The following GATB variants were observed in gnomAD, a reference collection of about 807,000 sequenced individuals.
The protein encoded by GATB is glutamyl-tRNA amidotransferase subunit B.
Under a neutral mutation model 62.3 loss-of-function variants are expected in GATB, and 39 were observed. That is an observed-to-expected ratio of 0.63 (90% CI 0.48 to 0.82). GATB has a LOEUF of 0.82. GATB is among the 40% of genes least tolerant of loss of function. GATB has a pLI of 0.00. For missense variants in GATB, 670 were observed against 684.0 expected, an observed-to-expected ratio of 0.98 and a Z score of 0.23; for synonymous variants, 276 against 258.9, an observed-to-expected ratio of 1.07 and a Z score of -0.63.
chr4:151,698,289 T>G (rs1738529538), intron 9 of GATB, among the ~76,000 whole-genome samples: 1 of 151,946 alleles, frequency 6.6e-6, no homozygotes, highest in Non-Finnish European at 1.5e-5. Flanking sequence ...CTGTAAATAT[T>G]AAGAATAATT....
intron 4 of GATB, 140 bp from the exon 5 acceptor site, chr4:151,716,271 T>G (rs577999641): frequency 9.8e-4 from 414 of 420,538 alleles, no homozygotes; most frequent in Non-Finnish European, 1.4e-3. Flanking sequence ...TTCTCTTCCC[T>G]CCCACCTTTT....
intron 10 of GATB, among the ~76,000 whole-genome samples, chr4:151,686,721 T>C (rs902771946): frequency 4.3e-5 from 6 of 138,950 alleles, no homozygotes; most frequent in African/African-American, 1.6e-4. Flanking sequence ...CATTTCCTTC[T>C]CTGTGCACGC....
At chr4:151,726,328 C>T (rs959486332) in intron 2 of GATB, among the ~76,000 whole-genome samples, 2 of 152,174 alleles carry the variant, frequency 1.3e-5, no homozygotes, top group African/African-American at 4.8e-5. Flanking sequence ...CACCCCTACA[C>T]CACTTCTCAC....
intron 9 of GATB, among the ~76,000 whole-genome samples, chr4:151,694,488 C>A (rs1738429859): frequency 1.3e-5 from 2 of 152,164 alleles, no homozygotes; most frequent in African/African-American, 4.8e-5. Context: ...TTTACCAGAA[C>A]AAAACATTGG....
chr4:151,703,809 G>A (rs1018053552), intron 8 of GATB, 42 bp downstream of exon 8: 1 of 1,338,258 alleles, frequency 7.5e-7, no homozygotes. Flanking sequence ...ATACGCCCCA[G>A]CCCCCGATAT....
chr4:151,674,717 T>C (rs1737958959), intron 11 of GATB: 1 of 152,244 alleles, frequency 6.6e-6, no homozygotes, highest in Admixed American at 6.5e-5. Flanking sequence ...TTTATCATAA[T>C]TTATCCCCTC....
intron 12 of GATB, 107 bp from the exon 13 acceptor site, chr4:151,671,409 C>T: frequency 9.3e-7 from 1 of 1,076,638 alleles, no homozygotes; most frequent in South Asian, 1.4e-5. Flanking sequence ...CCGCTTATTT[C>T]CACTAGTATT....
At chr4:151,682,611 C>CCTCAGAG (rs1237082092) in intron 10 of GATB, among the ~76,000 whole-genome samples, 1 of 151,932 alleles carries the variant, frequency 6.6e-6, no homozygotes, top group Non-Finnish European at 1.5e-5. Flanking sequence ...TTGTCCAGTC[C>CCTCAGAG]CTCAGAGCTC....
At chr4:151,758,492 A>T (rs531530164) in intron 2 of GATB, among the ~76,000 whole-genome samples, 1 of 152,330 alleles carries the variant, frequency 6.6e-6, no homozygotes, top group South Asian at 2.1e-4. Flanking sequence ...AAAGGCAAGG[A>T]TCATCTTTAT....
intron 2 of GATB, among the ~76,000 whole-genome samples, chr4:151,735,994 C>T (rs1166147808): frequency 6.6e-6 from 1 of 151,724 alleles, no homozygotes; most frequent in Non-Finnish European, 1.5e-5. Context: ...TAACCAAATA[C>T]CACTTGTACC....
intron 2 of GATB, among the ~76,000 whole-genome samples, chr4:151,750,744 C>T (rs1458304428): frequency 6.6e-6 from 1 of 151,074 alleles, no homozygotes; most frequent in Non-Finnish European, 1.5e-5. Flanking sequence ...ATCCTCCCAC[C>T]TCAACCCCAC....
intron 2 of GATB, among the ~76,000 whole-genome samples, chr4:151,740,037 T>C (rs1308173888): frequency 6.6e-6 from 1 of 152,218 alleles, no homozygotes; most frequent in Non-Finnish European, 1.5e-5. Context: ...CAGCAAGTAC[T>C]AAAAAGCATA....
intron 2 of GATB, among the ~76,000 whole-genome samples, chr4:151,735,764 A>C (rs181070191): frequency 2.3e-4 from 33 of 144,496 alleles, no homozygotes; most frequent in Non-Finnish European, 4.3e-4. Flanking sequence ...ATATGATGGA[A>C]TACTACTCAG....
intron 2 of GATB, among the ~76,000 whole-genome samples, chr4:151,756,702 T>G (rs1025920313): frequency 1.3e-4 from 20 of 152,266 alleles, no homozygotes; most frequent in Admixed American, 6.5e-5. Context: ...GTTATTGATA[T>G]GCTTATCAGT....
chr4:151,717,163 C>T lies in GATB; in HGVS notation c.442-89G>A, dbSNP rs138744913. 949 of 1,243,314 alleles carry T rather than the reference C, an allele frequency of 7.6e-4. 7 individuals are homozygous for T. In the African/African-American group the frequency reaches 0.012, roughly 16 times the overall value. The allele number at this position is 1,243,314 out of a possible 1,614,324, so 77.0% of individuals were successfully genotyped here. A position where few individuals can be genotyped will look rare whatever the true frequency, so the allele number is the denominator to read the frequency against. On this transcript the variant is annotated intron_variant, in intron 3 of 12. Coordinates refer to ENST00000263985, the MANE Select transcript of GATB (RefSeq NM_004564.3). ...CTATCCCTTTTACAATGTCACACAA[C>T]GACAGGCCTACTTAAAGCAAAAACA...
intron 2 of GATB, among the ~76,000 whole-genome samples, chr4:151,741,246 G>T (rs1284841870): frequency 6.6e-6 from 1 of 152,112 alleles, no homozygotes; most frequent in Non-Finnish European, 1.5e-5. Context: ...ATATGAATGT[G>T]GTCTCTCTCA....
chr4:151,731,882 C>A (rs1474211165), intron 2 of GATB, among the ~76,000 whole-genome samples: 9 of 151,464 alleles, frequency 5.9e-5, no homozygotes, highest in Non-Finnish European at 1.0e-4. Flanking sequence ...CGCCCGGCAG[C>A]CACCCAGCAG....
chr4:151,701,339 A>G lies in GATB; in HGVS notation c.1187T>C (p.Phe396Ser), dbSNP rs369261503. 1.4e-5 allele frequency: 22 copies of G among 1,552,810 alleles called. No homozygotes were observed. In the African/African-American group the frequency reaches 2.9e-4, roughly 20 times the overall value. ...CCGATCGATACCTACCAGCAAAGTGAAGCTGTGTTCCAGCAGCATCCCATA... is the reference window on the plus strand; with the variant it reads ...CCGATCGATACCTACCAGCAAAGTGGAGCTGTGTTCCAGCAGCATCCCATA... The part of the protein sequence containing the change: ...QQYGMLLEHS[F>S]TLLNEVGLLE... The change falls in exon 9 of 13, where the codon TTC becomes TCC. Residue 396 changes from phenylalanine (F) to serine (S), a missense_variant. Phe to Ser is a radical substitution (Grantham distance 155). Coordinates refer to ENST00000263985, the MANE Select transcript of GATB (RefSeq NM_004564.3).
At chr4:151,691,865 C>G (rs1355878088) in intron 9 of GATB, 1 of 152,244 alleles carries the variant, frequency 6.6e-6, no homozygotes, top group Non-Finnish European at 1.5e-5. Context: ...AAAAGCAGCC[C>G]AGAAGAATGC....
Sources: gnomAD v4.1 joint callset for allele counts (sites outside exome capture counted in the v4.1 genomes callset) on GRCh38, gnomAD v4.1.1 for gene constraint, MANE v1.5 for transcripts, NCBI Gene and HGNC (gene_info 2026-07-23, HGNC 2026-07-21) for gene names.